PDE3A: variants seen among roughly 807,000 people sequenced by gnomAD.
The protein encoded by PDE3A is phosphodiesterase 3A.
A neutral mutation model predicts 98.3 loss-of-function variants in PDE3A; 43 were observed. That is an observed-to-expected ratio of 0.44 (90% CI 0.34 to 0.56). PDE3A has a LOEUF of 0.56. Ranked by LOEUF, PDE3A falls within the 20% of genes least tolerant of loss-of-function variation. PDE3A has a pLI of 0.01. For missense variants in PDE3A, 1,427 were observed against 1,440.7 expected (o/e 0.99, Z 0.15); for synonymous variants, 663 against 567.9 (o/e 1.17, Z -2.38).
At chr12:20,584,821 C>T (rs919596801) in intron 2 of PDE3A, among the ~76,000 whole-genome samples, 3 of 151,868 alleles carry the variant, frequency 2.0e-5, no homozygotes, top group Non-Finnish European at 4.4e-5. Flanking sequence ...TTTTTTATGT[C>T]CTTGCTTTCC....
rs1262317862 is a variant in PDE3A at position 20,369,858 on chromosome 12, G to A, written c.574G>A (p.Gly192Arg). The A allele has an allele frequency of 6.2e-7, 1 of 1,612,472 alleles. No individual in the cohort carries two copies. The highest frequency in any genetic ancestry group is 8.5e-7 in the Non-Finnish European group (1 of 1,179,506). ...TCACTTACTCTCACTCCCCGCCGCG[G>A]GGGTGGTGCTCAGCTGCTTGGCCGC... ...EDHLLSLPAA[G>R]VVLSCLAAAT... Residue 192 changes from glycine (G) to arginine (R), a missense_variant, in exon 1 of 16, where the codon GGG (glycine) becomes AGG (arginine). Physicochemically the swap from Gly to Arg is moderately radical, Grantham distance 125. Coordinates refer to ENST00000359062, the MANE Select transcript of PDE3A (RefSeq NM_000921.5).
At chr12:20,403,646 C>T (rs1009209211) in intron 1 of PDE3A, among the ~76,000 whole-genome samples, 2 of 152,092 alleles carry the variant, frequency 1.3e-5, no homozygotes, top group African/African-American at 4.8e-5. Flanking sequence ...TCAGAATGTG[C>T]AAAATGACAA....
chr12:20,627,521 A>G (rs1407957054), intron 5 of PDE3A, among the ~76,000 whole-genome samples: 1 of 151,756 alleles, frequency 6.6e-6, no homozygotes, highest in East Asian at 1.9e-4. Context: ...CTACTTCTCT[A>G]AATGTCTTCT....
chr12:20,650,733 C>A, intron 14 of PDE3A, 133 bp downstream of exon 14: 1 of 464,198 alleles, frequency 2.2e-6, no homozygotes, highest in South Asian at 6.8e-5. Context: ...ATGCACTGGT[C>A]AATTTTGATC....
intron 1 of PDE3A, among the ~76,000 whole-genome samples, chr12:20,500,727 A>T (rs2121080981): frequency 6.6e-6 from 1 of 151,674 alleles, no homozygotes; most frequent in Middle Eastern, 3.4e-3. Context: ...CTAATTTTTT[A>T]AAAAATTGAT....
At chr12:20,413,501 G>A (rs1013379094) in intron 1 of PDE3A, among the ~76,000 whole-genome samples, 2 of 152,118 alleles carry the variant, frequency 1.3e-5, no homozygotes, top group African/African-American at 4.8e-5. Context: ...TTCTCCTGTG[G>A]ACACCCCCTG....
chr12:20,434,344 G>A (rs1944746575), intron 1 of PDE3A, among the ~76,000 whole-genome samples: 1 of 152,100 alleles, frequency 6.6e-6, no homozygotes, highest in South Asian at 2.1e-4. Flanking sequence ...TTCTATAGGG[G>A]CTTTGAATTT....
intron 1 of PDE3A, among the ~76,000 whole-genome samples, chr12:20,416,997 C>A (rs909910184): frequency 1.3e-5 from 2 of 152,028 alleles, no homozygotes; most frequent in Non-Finnish European, 2.9e-5. Context: ...TTATTTAAAA[C>A]AGAAATAGAA....
At chr12:20,663,014 G>C (rs1172680584) in intron 15 of PDE3A, among the ~76,000 whole-genome samples, 1 of 152,192 alleles carries the variant, frequency 6.6e-6, no homozygotes. Context: ...TAGGGACTTG[G>C]TGCCGTGAGT....
intron 1 of PDE3A, among the ~76,000 whole-genome samples, chr12:20,542,924 G>T (rs1362342601): frequency 6.6e-6 from 1 of 152,004 alleles, no homozygotes; most frequent in Non-Finnish European, 1.5e-5. Context: ...GCATGATCCA[G>T]TCATAAAACA....
chr12:20,530,080 T>G (rs1287732362), intron 1 of PDE3A, among the ~76,000 whole-genome samples: 1 of 152,208 alleles, frequency 6.6e-6, no homozygotes, highest in African/African-American at 2.4e-5. Context: ...AGTCTGATAA[T>G]TTCAGGTACA....
chr12:20,550,997 A>T (rs1942183589), intron 1 of PDE3A, among the ~76,000 whole-genome samples: 1 of 150,372 alleles, frequency 6.7e-6, no homozygotes, highest in African/African-American at 2.4e-5. Flanking sequence ...TATATATTTT[A>T]TATGTGTGTA....
At chr12:20,473,794 G>A (rs139463841) in intron 1 of PDE3A, among the ~76,000 whole-genome samples, 5 of 151,894 alleles carry the variant, frequency 3.3e-5, no homozygotes, top group African/African-American at 9.7e-5. Flanking sequence ...AGATTCAACC[G>A]TGTTGATATG....
intron 1 of PDE3A, among the ~76,000 whole-genome samples, chr12:20,540,510 A>G (rs1051772571): frequency 6.6e-6 from 1 of 152,086 alleles, no homozygotes; most frequent in African/African-American, 2.4e-5. Context: ...GCAACCAGAA[A>G]CAGCACAGGA....
intron 1 of PDE3A, among the ~76,000 whole-genome samples, chr12:20,445,793 C>G (rs371225150): frequency 6.6e-6 from 1 of 151,984 alleles, no homozygotes; most frequent in Admixed American, 6.6e-5. Context: ...CTCATTTTTT[C>G]CTTCCTGGAG....
intron 2 of PDE3A, among the ~76,000 whole-genome samples, chr12:20,606,026 A>G (rs892281468): frequency 1.1e-4 from 17 of 152,204 alleles, no homozygotes; most frequent in African/African-American, 4.1e-4. Flanking sequence ...TATTGGTGCT[A>G]CCTCAAAGCA....
chr12:20,456,432 T>G (rs922600712), intron 1 of PDE3A, among the ~76,000 whole-genome samples: 2 of 152,174 alleles, frequency 1.3e-5, no homozygotes, highest in African/African-American at 4.8e-5. Flanking sequence ...TAAAGTTGAC[T>G]TCTTAGGAAA....
At chr12:20,428,474 G>A (rs538270615) in intron 1 of PDE3A, among the ~76,000 whole-genome samples, 77 of 152,090 alleles carry the variant, frequency 5.1e-4, no homozygotes, top group South Asian at 4.4e-3. Context: ...GTAGAGACGG[G>A]GTTTCACCGT....
rs1565532650 is a variant in PDE3A at position 20,386,150 on chromosome 12, T to TAAAA, written c.960+15907_960+15908insAAAA. 1.0e-4 allele frequency among the ~76,000 whole-genome samples: 3 copies of TAAAA among 28,820 alleles called. 1 individual carries two copies. Among genetic ancestry groups the TAAAA allele is most frequent in the African/African-American group, 2.8e-4 (3 of 10,694 alleles). The allele number at this position is 28,820 out of a possible 152,430, so 18.9% of individuals were successfully genotyped here. A position where few individuals can be genotyped will look rare whatever the true frequency, so the allele number is the denominator to read the frequency against. The stretch of plus-strand genomic sequence containing the variant: ...ATATATAAATATATATAAATATATA[T>TAAAA]ATAAATATATATAAATATATAAAAA... On this transcript the variant is annotated intron_variant, in intron 1 of 15. Coordinates refer to ENST00000359062, the MANE Select transcript of PDE3A (RefSeq NM_000921.5).
Sources: gnomAD v4.1 joint callset for allele counts (sites outside exome capture counted in the v4.1 genomes callset) on GRCh38, gnomAD v4.1.1 for gene constraint, MANE v1.5 for transcripts, NCBI Gene and HGNC (gene_info 2026-07-23, HGNC 2026-07-21) for gene names.